MYO1B: variants seen among roughly 807,000 people sequenced by gnomAD.
MYO1B encodes the protein unconventional myosin-Ib.
In MYO1B, 72 loss-of-function variants were observed where a neutral mutation model predicts 159.7. The observed-to-expected ratio is 0.45, with a 90% confidence interval of 0.37 to 0.55. The LOEUF is 0.55. MYO1B is among the 20% of genes least tolerant of loss of function. MYO1B has a pLI of 0.00. For synonymous variants in MYO1B, 468 were observed against 473.8 expected, an observed-to-expected ratio of 0.99 and a Z score of 0.16; for missense variants, 1,062 against 1,364.8, an observed-to-expected ratio of 0.78 and a Z score of 3.50.
intron 7 of MYO1B, 66 bp from the exon 8 acceptor site, chr2:191,360,565 G>GA (rs920994935): frequency 3.1e-6 from 3 of 979,062 alleles, no homozygotes; most frequent in African/African-American, 1.6e-5. Context: ...AAGTGAGAAG[G>GA]AAAAAAAGCA....
chr2:191,331,320 C>T (rs867367697), intron 4 of MYO1B, among the ~76,000 whole-genome samples: 1 of 151,938 alleles, frequency 6.6e-6, no homozygotes, highest in African/African-American at 2.4e-5. Flanking sequence ...GGTGTAGGCT[C>T]CTCCACATGG....
intron 2 of MYO1B, among the ~76,000 whole-genome samples, chr2:191,292,849 ATT>A (rs1262526903): frequency 6.6e-6 from 1 of 151,536 alleles, no homozygotes; most frequent in African/African-American, 2.5e-5. Context: ...ACAGCCAATT[ATT>A]TGCTCACGAT....
intron 1 of MYO1B, chr2:191,247,961 C>G: frequency 1.0e-6 from 1 of 985,382 alleles, no homozygotes; most frequent in Non-Finnish European, 1.2e-6. Context: ...CACAGTTATG[C>G]AAAGCAAGGA....
chr2:191,412,718 A>C (rs916702177), intron 27 of MYO1B, among the ~76,000 whole-genome samples: 2 of 152,250 alleles, frequency 1.3e-5, no homozygotes, highest in Non-Finnish European at 2.9e-5. Context: ...GATTCCTTGA[A>C]GCAGCAGTTT....
At chr2:191,336,883 G>A (rs1691888752) in intron 4 of MYO1B, among the ~76,000 whole-genome samples, 2 of 151,900 alleles carry the variant, frequency 1.3e-5, no homozygotes, top group South Asian at 4.2e-4. Context: ...TAGAGAGATA[G>A]AGAGGTAAAG....
chr2:191,360,532 C>A (rs1693595481), intron 7 of MYO1B, 99 bp from the exon 8 acceptor site: 1 of 712,748 alleles, frequency 1.4e-6, no homozygotes, highest in Non-Finnish European at 2.4e-6. Flanking sequence ...CATTTTATTA[C>A]TGCAGAATAG....
Position 191,416,351 on chromosome 2 carries a change from T to G in MYO1B, c.3287+109T>G, listed in dbSNP as rs1384111744. 3 of 1,306,544 alleles carry G rather than the reference T, an allele frequency of 2.3e-6. No homozygotes were observed. In the East Asian group the frequency reaches 7.0e-5, roughly 30 times the overall value. The allele number at this position is 1,306,544 out of a possible 1,614,324, so 80.9% of individuals were successfully genotyped here. On this transcript the variant is annotated intron_variant, in intron 30 of 30. Coordinates refer to ENST00000392318, the MANE Select transcript of MYO1B (RefSeq NM_001130158.3). ...AACTACTTATTAAGTACCAGGTATG[T>G]GTCTAGTAGTTGTTCCACATGATAA...
chr2:191,276,326 A>G (rs115913843), intron 1 of MYO1B, among the ~76,000 whole-genome samples: 1,853 of 152,358 alleles, frequency 0.012, 21 homozygotes, highest in Non-Finnish European at 0.021. Context: ...TTAAGTAACC[A>G]TAGCAAGTTT....
chr2:191,245,655 C>T (rs1685736039), intron 1 of MYO1B, 29 bp downstream of exon 1: 1 of 152,188 alleles, frequency 6.6e-6, no homozygotes, highest in Non-Finnish European at 1.5e-5. Context: ...CTCTCTCTCC[C>T]CTGCCCTTCC....
At chr2:191,293,081 T>C (rs1420543185) in intron 2 of MYO1B, among the ~76,000 whole-genome samples, 1 of 152,224 alleles carries the variant, frequency 6.6e-6, no homozygotes, top group Non-Finnish European at 1.5e-5. Context: ...CTCATTCACA[T>C]CATGGCTTCC....
intron 3 of MYO1B, among the ~76,000 whole-genome samples, chr2:191,313,719 A>G (rs1184976562): frequency 2.0e-5 from 3 of 152,092 alleles, no homozygotes; most frequent in Admixed American, 1.3e-4. Context: ...GGGTTTCACC[A>G]TTTTGGTCAG....
At chr2:191,256,239 G>T (rs945462211) in intron 1 of MYO1B, among the ~76,000 whole-genome samples, 1 of 152,140 alleles carries the variant, frequency 6.6e-6, no homozygotes, top group Non-Finnish European at 1.5e-5. Flanking sequence ...TTTGAAACTT[G>T]ACTCTTCTCC....
At chr2:191,423,409 C>G (rs1409005662) in intron 30 of MYO1B, among the ~76,000 whole-genome samples, 1 of 152,136 alleles carries the variant, frequency 6.6e-6, no homozygotes, top group Non-Finnish European at 1.5e-5. Context: ...ATAGGACCCC[C>G]ATCGTATATG....
intron 13 of MYO1B, among the ~76,000 whole-genome samples, chr2:191,379,961 A>G (rs1214521806): frequency 6.6e-6 from 1 of 152,252 alleles, no homozygotes; most frequent in Non-Finnish European, 1.5e-5. Flanking sequence ...TGCCCTTTGT[A>G]TCTGACTATA....
intron 7 of MYO1B, among the ~76,000 whole-genome samples, chr2:191,355,163 C>T (rs894263064): frequency 6.6e-6 from 1 of 152,314 alleles, no homozygotes; most frequent in Middle Eastern, 3.4e-3. Flanking sequence ...AGGAGAGACA[C>T]ATGGAATGAA....
At chr2:191,362,221 T>C (rs753998462) in intron 8 of MYO1B, 47 bp from the exon 9 acceptor site, 26 of 1,409,082 alleles carry the variant, frequency 1.8e-5, no homozygotes, top group South Asian at 3.5e-5. Context: ...ATATTAAAGA[T>C]TGGATTTATT....
intron 3 of MYO1B, among the ~76,000 whole-genome samples, chr2:191,320,584 G>C (rs1690644411): frequency 6.6e-6 from 1 of 152,022 alleles, no homozygotes; most frequent in Non-Finnish European, 1.5e-5. Flanking sequence ...AGATTTAATT[G>C]AATTTTGCAG....
intron 2 of MYO1B, among the ~76,000 whole-genome samples, chr2:191,289,680 G>A (rs1688585824): frequency 6.6e-6 from 1 of 152,112 alleles, no homozygotes; most frequent in African/African-American, 2.4e-5. Flanking sequence ...TTCAAAAAAA[G>A]CATCAAAGTA....
intron 6 of MYO1B, among the ~76,000 whole-genome samples, chr2:191,349,330 G>A (rs1692768095): frequency 6.6e-6 from 1 of 152,226 alleles, no homozygotes; most frequent in African/African-American, 2.4e-5. Context: ...TGTTGACTGA[G>A]TTCCATGTGA....
Sources: allele counts gnomAD v4.1 joint callset (sites outside exome capture counted in the v4.1 genomes callset), GRCh38; gene constraint gnomAD v4.1.1; transcripts MANE v1.5; gene names NCBI Gene and HGNC (gene_info 2026-07-23, HGNC 2026-07-21).